TAOK3: variants seen among roughly 807,000 people sequenced by gnomAD.
TAOK3 encodes TAO kinase 3.
TAOK3 carries 40 observed loss-of-function variants against 120.4 expected under a neutral mutation model. The observed-to-expected ratio is 0.33, with a 90% CI of 0.26 to 0.43. TAOK3 has a LOEUF of 0.43. TAOK3 is among the 20% of genes least tolerant of loss of function. The pLI, the probability that TAOK3 is intolerant of heterozygous loss-of-function variation, is 1.00. For missense variants in TAOK3, 821 were observed against 1,112.1 expected (o/e 0.74, Z 3.72); for synonymous variants, 355 against 387.5 (o/e 0.92, Z 0.99).
At chr12:118,316,835 T>C (rs746655324) in intron 1 of TAOK3, among the ~76,000 whole-genome samples, 4 of 152,166 alleles carry the variant, frequency 2.6e-5, no homozygotes, top group East Asian at 1.9e-4. Flanking sequence ...TGTATTTCTA[T>C]ATACTGGCAA....
At position 118,179,672 on chromosome 12, in the gene TAOK3, C is replaced by G. The variant is rs188478599; in HGVS notation, c.1566+1699G>C. 7.8e-3 allele frequency among the ~76,000 whole-genome samples: 991 copies of G among 127,270 alleles called. 9 individuals are homozygous for G. Among genetic ancestry groups the G allele is most frequent in the Non-Finnish European group, 0.01 (631 of 61,942 alleles). 83.5% of individuals were successfully genotyped at this position (127,270 alleles called of 152,430 possible). On this transcript the variant is annotated intron_variant, in intron 15 of 20. Coordinates refer to ENST00000392533, the MANE Select transcript of TAOK3 (RefSeq NM_016281.4). The stretch of plus-strand genomic sequence containing the variant: ...TTTTTTTTTTTTTTTCAGTCGGAGT[C>G]TTGTTCTTGTTGCCCAGGCTGGAAT...
At chr12:118,345,352 T>C (rs2044808554) in intron 1 of TAOK3, among the ~76,000 whole-genome samples, 1 of 152,206 alleles carries the variant, frequency 6.6e-6, no homozygotes, top group Non-Finnish European at 1.5e-5. Context: ...ACATTTCTCC[T>C]TTCTTAAGGA....
At chr12:118,200,133 T>C (rs2037947678) in intron 12 of TAOK3, 1 of 152,192 alleles carries the variant, frequency 6.6e-6, no homozygotes, top group African/African-American at 2.4e-5. Flanking sequence ...TTAACAGACT[T>C]ATTTTCCCAA....
chr12:118,342,805 G>T lies in TAOK3; in HGVS notation c.-194+29843C>A, dbSNP rs150422600. On this transcript the variant is annotated intron_variant, in intron 1 of 20. Coordinates refer to ENST00000392533, the MANE Select transcript of TAOK3 (RefSeq NM_016281.4). ...AAAAATTAGCCAGGCAAGGTAGCAG[G>T]TGCCTGTAGTCCCAGGTACTGGGGA... 7.0e-4 allele frequency among the ~76,000 whole-genome samples: 107 copies of T among 152,008 alleles called. 1 individual carries two copies. The highest frequency in any genetic ancestry group is 1.1e-3 in the Non-Finnish European group (77 of 67,952).
At chr12:118,345,671 T>C (rs1398763409) in intron 1 of TAOK3, among the ~76,000 whole-genome samples, 1 of 151,698 alleles carries the variant, frequency 6.6e-6, no homozygotes, top group East Asian at 1.9e-4. Flanking sequence ...AATGTAATAA[T>C]GCTGCTCACC....
chr12:118,202,552 G>A (rs2038075881), intron 11 of TAOK3, among the ~76,000 whole-genome samples: 1 of 151,860 alleles, frequency 6.6e-6, no homozygotes, highest in Admixed American at 6.6e-5. Context: ...TTTGATAATA[G>A]CCATTCTAAC....
chr12:118,223,490 GC>G (rs2039350513), intron 9 of TAOK3, among the ~76,000 whole-genome samples: 2 of 151,700 alleles, frequency 1.3e-5, no homozygotes, highest in Admixed American at 6.6e-5. Flanking sequence ...GGGACTACAG[GC>G]GCCCGGCACC....
At chr12:118,202,641 G>T (rs2038081340) in intron 11 of TAOK3, among the ~76,000 whole-genome samples, 1 of 151,860 alleles carries the variant, frequency 6.6e-6, no homozygotes, top group Admixed American at 6.6e-5. Flanking sequence ...TTTCATATAA[G>T]AATTCTTGAG....
chr12:118,305,842 T>A (rs1393282860), intron 1 of TAOK3, among the ~76,000 whole-genome samples: 1 of 146,882 alleles, frequency 6.8e-6, no homozygotes, highest in Non-Finnish European at 1.5e-5. Context: ...AGGCAGAGTT[T>A]GCATGAGCTG....
intron 16 of TAOK3, among the ~76,000 whole-genome samples, chr12:118,174,670 G>A (rs953542862): frequency 1.1e-4 from 16 of 151,892 alleles, no homozygotes; most frequent in African/African-American, 3.1e-4. Flanking sequence ...TTTATTTTAC[G>A]ATTTTTTTTT....
At chr12:118,272,850 G>A (rs1166945097) in intron 1 of TAOK3, among the ~76,000 whole-genome samples, 1 of 151,960 alleles carries the variant, frequency 6.6e-6, no homozygotes, top group African/African-American at 2.4e-5. Context: ...GGTAGCACGT[G>A]CCTGTAGTCC....
At chr12:118,199,405 C>G in intron 12 of TAOK3, 148 bp from the exon 13 acceptor site, 1 of 646,874 alleles carries the variant, frequency 1.5e-6, no homozygotes, top group Non-Finnish European at 2.8e-6. Flanking sequence ...ACTGGCTCCA[C>G]TACTCCTCCA....
chr12:118,171,545 C>A (rs146299764), intron 17 of TAOK3, among the ~76,000 whole-genome samples: 113 of 152,016 alleles, frequency 7.4e-4, no homozygotes, highest in Non-Finnish European at 1.5e-3. Flanking sequence ...TTAGTAGAGA[C>A]GGGGTTTCAC....
chr12:118,272,253 C>G lies in TAOK3; in HGVS notation c.-193-5494G>C, dbSNP rs148776185. Among the ~76,000 whole-genome samples, 527 of 145,136 alleles carry G rather than the reference C, an allele frequency of 3.6e-3. 5 individuals carry two copies. Among genetic ancestry groups the G allele is most frequent in the African/African-American group, 0.013 (516 of 38,812 alleles). On this transcript the variant is annotated intron_variant, in intron 1 of 20. Transcript: ENST00000392533. ...GGTTGCAGTGAGCCGAGTTACACCACTGCACTCCAGCCTGGGTGACAGAGC... is the reference window on the plus strand; with the variant it reads ...GGTTGCAGTGAGCCGAGTTACACCAGTGCACTCCAGCCTGGGTGACAGAGC...
At chr12:118,152,713 C>G in intron 19 of TAOK3, 1 of 290,506 alleles carries the variant, frequency 3.4e-6, no homozygotes, top group Admixed American at 4.6e-5. Context: ...GCTACACCAT[C>G]CACTTTGTGT....
chr12:118,267,131 C>T (rs935211602), intron 1 of TAOK3, among the ~76,000 whole-genome samples: 1 of 152,160 alleles, frequency 6.6e-6, no homozygotes, highest in East Asian at 1.9e-4. Context: ...TTCCAATAGA[C>T]ATGATGATTT....
chr12:118,370,297 C>A (rs911843789), intron 1 of TAOK3, among the ~76,000 whole-genome samples: 4 of 152,150 alleles, frequency 2.6e-5, no homozygotes, highest in African/African-American at 9.7e-5. Context: ...TTATTATTAC[C>A]CTGATAAAAA....
Position 118,255,472 on chromosome 12 carries a change from A to C in TAOK3, c.96T>G (p.His32Gln). The change falls in exon 3 of 21, where the codon CAT (histidine) becomes CAG (glutamine). Residue 32 changes from histidine to glutamine, a missense_variant. Transcript: ENST00000392533. ...CAAAATAAACTGCTCCAAAACTTCC[A>C]TGTCCAATTTCATGCAAACCAATAA... The part of the protein sequence containing the change: ...ELFIGLHEIG[H>Q]GSFGAVYFAT... The C allele has an allele frequency of 6.2e-7, 1 of 1,614,100 alleles. No individual in the cohort carries two copies. Among genetic ancestry groups the C allele is most frequent in the Non-Finnish European group, 8.5e-7 (1 of 1,180,012 alleles).
intron 1 of TAOK3, among the ~76,000 whole-genome samples, chr12:118,361,339 C>T (rs2045591143): frequency 6.6e-6 from 1 of 151,738 alleles, no homozygotes; most frequent in South Asian, 2.1e-4. Context: ...CATTTGTATT[C>T]AATGAAATAA....
Sources: allele counts gnomAD v4.1 joint callset (sites outside exome capture counted in the v4.1 genomes callset), GRCh38; gene constraint gnomAD v4.1.1; transcripts MANE v1.5; gene names NCBI Gene and HGNC (gene_info 2026-07-23, HGNC 2026-07-21).